Variants in SART3 observed in about 807,000 individuals in gnomAD.
SART3 encodes the protein spliceosome associated factor 3, U4/U6 recycling protein.
In SART3, 44 loss-of-function variants were observed where a neutral mutation model predicts 122.3. The observed-to-expected ratio is 0.36, with a 90% CI of 0.28 to 0.46. The LOEUF (loss-of-function observed/expected upper bound fraction) is 0.46. Among genes scored for constraint, SART3 ranks in the 20% least tolerant of loss-of-function variants. The pLI is 1.00. For synonymous variants in SART3, 442 were observed against 454.0 expected, an observed-to-expected ratio of 0.97 and a Z score of 0.34; for missense variants, 1,101 against 1,229.0, an observed-to-expected ratio of 0.90 and a Z score of 1.56.
chr12:108,527,147 A>C (rs1054749744), intron 15 of SART3, among the ~76,000 whole-genome samples: 4 of 152,126 alleles, frequency 2.6e-5, no homozygotes, highest in African/African-American at 9.7e-5. Flanking sequence ...CCATCAGTTC[A>C]CCCGCTGCCT....
At position 108,554,886 on chromosome 12, in the gene SART3, C is replaced by T. The variant is rs536743904; in HGVS notation, c.313-5672G>A. Among the ~76,000 whole-genome samples the T allele has an allele frequency of 2.1e-3, 314 of 151,998 alleles. 1 individual carries two copies. Among genetic ancestry groups the T allele is most frequent in the African/African-American group, 7.4e-3 (305 of 41,466 alleles). On this transcript the variant is annotated intron_variant, in intron 1 of 18. Transcript: ENST00000546815. ...TGTATAGTAAACCAAAACTCATCTA[C>T]AAACAAATCATTTGGAAATAATAAA...
intron 12 of SART3, 71 bp downstream of exon 12, chr12:108,535,288 A>C: frequency 8.4e-7 from 1 of 1,192,110 alleles, no homozygotes; most frequent in Non-Finnish European, 1.3e-6. Context: ...AGCTGGTAGG[A>C]GTCAGCCAGG....
At chr12:108,530,623 G>A (rs536410934) in intron 14 of SART3, among the ~76,000 whole-genome samples, 7 of 152,280 alleles carry the variant, frequency 4.6e-5, no homozygotes, top group African/African-American at 1.4e-4. Context: ...TTGGGAGGCC[G>A]AGATGGGTGG....
At chr12:108,532,589 C>T in intron 12 of SART3, 1 of 435,512 alleles carries the variant, frequency 2.3e-6, no homozygotes, top group Non-Finnish European at 4.3e-6. Context: ...TTGTGATCTG[C>T]AACCAGCATT....
chr12:108,548,024 CA>C, intron 2 of SART3, 33 bp from the exon 3 acceptor site: 1 of 1,570,490 alleles, frequency 6.4e-7, no homozygotes, highest in Non-Finnish European at 8.7e-7. Context: ...GCATTAATAC[CA>C]AAGGGTAGGC....
intron 12 of SART3, 72 bp downstream of exon 12, chr12:108,535,287 G>A: frequency 2.5e-6 from 3 of 1,181,766 alleles, no homozygotes; most frequent in Non-Finnish European, 3.8e-6. Context: ...AAGCTGGTAG[G>A]AGTCAGCCAG....
chr12:108,548,038 A>G, intron 2 of SART3, 47 bp from the exon 3 acceptor site: 1 of 1,512,088 alleles, frequency 6.6e-7, no homozygotes, highest in South Asian at 1.1e-5. Flanking sequence ...GGGTAGGCTA[A>G]GCGCAGGGAC....
intron 6 of SART3, among the ~76,000 whole-genome samples, chr12:108,541,672 G>A (rs1399794078): frequency 6.6e-6 from 1 of 151,854 alleles, no homozygotes; most frequent in Non-Finnish European, 1.5e-5. Flanking sequence ...CCAAACAGCT[G>A]GGATTACAGG....
chr12:108,526,532 C>T lies in SART3; in HGVS notation c.1937G>A (p.Arg646Lys). The T allele has an allele frequency of 3.1e-6, 5 of 1,614,034 alleles. No individual in the cohort carries two copies. Among genetic ancestry groups the T allele is most frequent in the South Asian group, 1.1e-5 (1 of 91,080 alleles). The part of the protein sequence containing the change: ...DEEEQPSKRR[R>K]VENSIPAAGE... ...AGCTGCAGGGATGCTGTTCTCGACC[C>T]TTCTGCGTTTGGAAGGCTGCTCTAC... is the stretch of plus-strand genomic sequence containing the variant. Residue 646 changes from arginine (R) to lysine (K), a missense_variant, in exon 16 of 19, where the codon AGG becomes AAG. By Grantham distance (26) the Arg-to-Lys change is conservative (BLOSUM62 2). Around this residue, in one of 2 missense-constraint regions of SART3, gnomAD observed 885 missense variants for 1,080.1 expected, o/e 0.82. Coordinates refer to ENST00000546815, the MANE Select transcript of SART3 (RefSeq NM_014706.4).
chr12:108,540,436 C>T (rs1280666175), intron 6 of SART3, among the ~76,000 whole-genome samples: 1 of 152,078 alleles, frequency 6.6e-6, no homozygotes, highest in East Asian at 1.9e-4. Flanking sequence ...GTGTTGAAGA[C>T]ACTGGACAAA....
chr12:108,531,598 A>C (rs1872678550), intron 13 of SART3: 1 of 312,638 alleles, frequency 3.2e-6, no homozygotes, highest in African/African-American at 2.1e-5. Context: ...GAGCTACTCA[A>C]ATGTTGAGGC....
At chr12:108,525,071 G>A (rs1872309941) in intron 17 of SART3, among the ~76,000 whole-genome samples, 1 of 152,214 alleles carries the variant, frequency 6.6e-6, no homozygotes, top group Non-Finnish European at 1.5e-5. Flanking sequence ...CTGCAATGGA[G>A]GGACTCAAGG....
At position 108,523,553 on chromosome 12, in the gene SART3, G is replaced by C; in HGVS notation, c.2796C>G (p.Asn932Lys). ...RPSAAAPQAE[N>K]GPAAAPAVAA... ...CAACTGCAGGAGCCGCGGCAGGGCC[G>C]TTCTCAGCCTGAGGAGCTGCAGCAC... Residue 932 changes from asparagine (N) to lysine (K), a missense_variant, in exon 19 of 19, where the codon AAC becomes AAG. By Grantham distance (94) the Asn-to-Lys change is moderately conservative. Transcript: ENST00000546815. 1 of 1,614,026 alleles carries C rather than the reference G, an allele frequency of 6.2e-7. No individual in the cohort carries two copies. Among genetic ancestry groups the C allele is most frequent in the Non-Finnish European group, 8.5e-7 (1 of 1,180,008 alleles).
chr12:108,538,064 C>T lies in SART3; in HGVS notation c.1201+1G>A, dbSNP rs1353067276. ...AAGTTCTCCCACAAAAACATCCGCA[C>T]CAGAAATTACTTGATGATCAACTCC... On this transcript the variant is annotated splice_donor_variant, in intron 8 of 18. Transcript: ENST00000546815. LOFTEE classifies it high-confidence loss of function. The T allele has an allele frequency of 6.2e-7, 1 of 1,614,122 alleles. No homozygotes were observed. The highest frequency in any genetic ancestry group is 8.5e-7 in the Non-Finnish European group (1 of 1,180,000).
chr12:108,525,334 A>G (rs1205732658), intron 17 of SART3, 123 bp downstream of exon 17: 2 of 989,904 alleles, frequency 2.0e-6, no homozygotes, highest in African/African-American at 3.2e-5. Flanking sequence ...CTGTGAAATT[A>G]ACTTTTGTTT....
intron 3 of SART3, among the ~76,000 whole-genome samples, chr12:108,546,525 T>C (rs1873428424): frequency 7.1e-5 from 1 of 14,058 alleles, no homozygotes; most frequent in Non-Finnish European, 5.1e-4. Context: ...TTTAATGCTT[T>C]TTTTTTTTTT....
Position 108,524,526 on chromosome 12 carries a change from G to A in SART3, c.2524-20C>T. On this transcript the variant is annotated intron_variant, in intron 17 of 18. Transcript: ENST00000546815. Reference sequence around the variant, plus strand: ...CAGGCCCTGGAAGAGGCAAGATCCAGAACCAAGTCAGATCCCGCAGACTAG... The same window carrying A: ...CAGGCCCTGGAAGAGGCAAGATCCAAAACCAAGTCAGATCCCGCAGACTAG... 2 of 1,613,350 alleles carry A rather than the reference G, an allele frequency of 1.2e-6. No homozygotes were observed. The highest frequency in any genetic ancestry group is 1.1e-5 in the South Asian group (1 of 91,056).
chr12:108,536,509 T>C lies in SART3; in HGVS notation c.1446+5A>G. On this transcript the variant is annotated splice_donor_5th_base_variant and intron_variant, in intron 11 of 18. Coordinates refer to ENST00000546815, the MANE Select transcript of SART3 (RefSeq NM_014706.4). ...GAAAGTGCTAGATGTGTCAAAAACA[T>C]TTACCTCAATCCTAGCCCAGTTCTG... is the stretch of plus-strand genomic sequence containing the variant. The C allele has an allele frequency of 6.2e-7, 1 of 1,613,960 alleles. No individual in the cohort carries two copies. Among genetic ancestry groups the C allele is most frequent in the Non-Finnish European group, 8.5e-7 (1 of 1,179,880 alleles).
chr12:108,528,914 A>G (rs1323320877), intron 15 of SART3, among the ~76,000 whole-genome samples: 1 of 152,004 alleles, frequency 6.6e-6, no homozygotes, highest in Admixed American at 6.6e-5. Flanking sequence ...TTGAGGCCAC[A>G]AGTTCAAGAC....
Sources: gnomAD v4.1 joint callset for allele counts (sites outside exome capture counted in the v4.1 genomes callset) on GRCh38, gnomAD v4.1.1 for gene constraint, gnomAD v4.1.1 regional missense constraint, MANE v1.5 for transcripts, NCBI Gene and HGNC (gene_info 2026-07-23, HGNC 2026-07-21) for gene names.